The following DPH6 variants were observed in gnomAD, a reference collection of about 807,000 sequenced individuals.
DPH6 encodes diphthine--ammonia ligase.
Under a neutral mutation model 38.2 loss-of-function variants are expected in DPH6, and 33 were observed. The observed-to-expected ratio is 0.86, with a 90% confidence interval of 0.65 to 1.15. The LOEUF (loss-of-function observed/expected upper bound fraction) is 1.15. DPH6 is among the 50% of genes most tolerant of loss of function. DPH6 has a pLI of 0.00. For synonymous variants in DPH6, 108 were observed against 103.0 expected, an observed-to-expected ratio of 1.05 and a Z score of -0.30; for missense variants, 325 against 320.0, an observed-to-expected ratio of 1.02 and a Z score of -0.12.
At position 35,496,565 on chromosome 15, in the gene DPH6, A is replaced by ATATATATAT. The variant is rs1467883229; in HGVS notation, c.312+41708_312+41709insATATATATA. Among the ~76,000 whole-genome samples the ATATATATAT allele has an allele frequency of 1.3e-3, 26 of 20,140 alleles. No individual in the cohort carries two copies. The South Asian group carries it at 0.013, about 10-fold the overall frequency. 13.2% of individuals were successfully genotyped at this position (20,140 alleles called of 152,430 possible). ...ACGAAAGTTCCATCTCAAAAAAAAA[A>ATATATATAT]AAATATATATATATATATATATATA... On this transcript the variant is annotated intron_variant, in intron 3 of 8. Coordinates refer to ENST00000256538, the MANE Select transcript of DPH6 (RefSeq NM_080650.4).
At chr15:35,383,375 T>C (rs888624058) in intron 6 of DPH6, among the ~76,000 whole-genome samples, 2 of 152,226 alleles carry the variant, frequency 1.3e-5, no homozygotes, top group African/African-American at 4.8e-5. Flanking sequence ...ATAAAATATT[T>C]CTATCACATT....
intron 3 of DPH6, among the ~76,000 whole-genome samples, chr15:35,321,270 C>G (rs1000374719): frequency 3.3e-5 from 5 of 152,138 alleles, no homozygotes; most frequent in Admixed American, 2.6e-4. Context: ...ATGCCAAGGA[C>G]AGAGTGAAGA....
At chr15:35,410,805 T>C (rs1312289777) in intron 6 of DPH6, 30 bp downstream of exon 6, 3 of 1,562,710 alleles carry the variant, frequency 1.9e-6, no homozygotes, top group Non-Finnish European at 2.6e-6. Flanking sequence ...TTTAGATGGC[T>C]ACATTTTGAG....
chr15:35,278,742 A>G (rs2051875781), intron 3 of DPH6, among the ~76,000 whole-genome samples: 1 of 152,204 alleles, frequency 6.6e-6, no homozygotes, highest in Non-Finnish European at 1.5e-5. Context: ...TGAATGCAGG[A>G]CATTAAGTCA....
At chr15:35,356,654 AGAG>A (rs1294481269) in intron 3 of DPH6, among the ~76,000 whole-genome samples, 1 of 152,122 alleles carries the variant, frequency 6.6e-6, no homozygotes, top group East Asian at 1.9e-4. Flanking sequence ...GTTTTGTCTC[AGAG>A]GAGTACCTGG....
chr15:35,298,359 G>A (rs558993722), intron 3 of DPH6: 17 of 669,996 alleles, frequency 2.5e-5, no homozygotes, highest in South Asian at 2.2e-4. Context: ...CGCTTGAATT[G>A]CTGATTTAAC....
chr15:35,322,156 G>A (rs2052246413), intron 3 of DPH6, among the ~76,000 whole-genome samples: 1 of 152,130 alleles, frequency 6.6e-6, no homozygotes, highest in Non-Finnish European at 1.5e-5. Context: ...CTTCTACATA[G>A]TGATGTTATT....
intron 3 of DPH6, among the ~76,000 whole-genome samples, chr15:35,249,561 T>C (rs1044452936): frequency 6.6e-5 from 10 of 152,214 alleles, no homozygotes; most frequent in Non-Finnish European, 1.0e-4. Context: ...ATTACAACTT[T>C]TAAGACCTTC....
At chr15:35,515,442 C>T (rs2054831890) in intron 3 of DPH6, among the ~76,000 whole-genome samples, 1 of 151,974 alleles carries the variant, frequency 6.6e-6, no homozygotes. Flanking sequence ...AAAATTAAGG[C>T]CGGGTGCGGT....
Position 35,493,952 on chromosome 15 carries a change from G to A in DPH6, c.313-39132C>T, listed in dbSNP as rs77698249. The stretch of plus-strand genomic sequence containing the variant: ...AAATTAAAGACTTATATCCCAGCAC[G>A]TACAATATAGCCTTCCAGAGCAGAC... On this transcript the variant is annotated intron_variant, in intron 3 of 8. Coordinates refer to ENST00000256538, the MANE Select transcript of DPH6 (RefSeq NM_080650.4). Among the ~76,000 whole-genome samples, 326 of 152,084 alleles carry A rather than the reference G, an allele frequency of 2.1e-3. 2 individuals carry two copies. Among genetic ancestry groups the A allele is most frequent in the African/African-American group, 7.6e-3 (316 of 41,500 alleles).
chr15:35,485,134 A>G (rs2054380290), intron 3 of DPH6, among the ~76,000 whole-genome samples: 1 of 152,202 alleles, frequency 6.6e-6, no homozygotes, highest in South Asian at 2.1e-4. Flanking sequence ...CTAATTTTAA[A>G]AATGAGAAAA....
rs77707886 is a variant in DPH6 at position 35,363,015 on chromosome 15, T to C, written n.207+10506A>G. ...TTATTGTAATATAACATTCCCTGCATACTTTCATTCCTATGACATTTGTAG... is the reference window on the plus strand; with the variant it reads ...TTATTGTAATATAACATTCCCTGCACACTTTCATTCCTATGACATTTGTAG... On this transcript the variant is annotated intron_variant and non_coding_transcript_variant, in intron 3 of 3. Coordinates refer to the DPH6 transcript ENST00000558973. 5.3e-3 allele frequency among the ~76,000 whole-genome samples: 812 copies of C among 152,352 alleles called. 4 individuals are homozygous for C. The highest frequency in any genetic ancestry group is 9.2e-3 in the Non-Finnish European group (625 of 68,026).
At chr15:35,416,752 A>T (rs1566901975) in intron 5 of DPH6, among the ~76,000 whole-genome samples, 1 of 152,066 alleles carries the variant, frequency 6.6e-6, no homozygotes, top group Non-Finnish European at 1.5e-5. Context: ...GTGACAAGTC[A>T]TTGGGGACCT....
At chr15:35,296,741 A>C (rs987704743) in intron 3 of DPH6, among the ~76,000 whole-genome samples, 9 of 152,126 alleles carry the variant, frequency 5.9e-5, no homozygotes, top group African/African-American at 2.2e-4. Context: ...CTAGTACTTT[A>C]ACTTTCTCTT....
intron 3 of DPH6, chr15:35,299,218 C>G (rs1463605101): frequency 2.4e-6 from 3 of 1,253,948 alleles, no homozygotes; most frequent in South Asian, 1.2e-5. Flanking sequence ...TTCAGCCCAG[C>G]TGGCACATGC....
At chr15:35,490,324 A>G in intron 3 of DPH6, 1 of 304,136 alleles carries the variant, frequency 3.3e-6, no homozygotes. Flanking sequence ...CATGAACTAT[A>G]CTCCACCAAT....
chr15:35,541,325 T>C (rs1197403963), intron 2 of DPH6, among the ~76,000 whole-genome samples: 2 of 152,122 alleles, frequency 1.3e-5, no homozygotes, highest in African/African-American at 4.8e-5. Context: ...ATTAGTTCAT[T>C]ATACACCTGT....
At chr15:35,488,743 T>A (rs2054437495) in intron 3 of DPH6, among the ~76,000 whole-genome samples, 1 of 152,130 alleles carries the variant, frequency 6.6e-6, no homozygotes, top group Non-Finnish European at 1.5e-5. Flanking sequence ...AAAATAAGGT[T>A]CTATGAGGCT....
At chr15:35,287,489 T>C (rs2051951361) in intron 3 of DPH6, among the ~76,000 whole-genome samples, 1 of 152,176 alleles carries the variant, frequency 6.6e-6, no homozygotes, top group Non-Finnish European at 1.5e-5. Flanking sequence ...TGTAGGGCAT[T>C]ATTAGTTTCG....
Sources: gnomAD v4.1 joint callset for allele counts (sites outside exome capture counted in the v4.1 genomes callset) on GRCh38, gnomAD v4.1.1 for gene constraint, MANE v1.5 for transcripts, NCBI Gene and HGNC (gene_info 2026-07-23, HGNC 2026-07-21) for gene names.